SPIRE2: variants seen among roughly 807,000 people sequenced by gnomAD.
SPIRE2 encodes protein spire homolog 2.
SPIRE2 carries 76 observed loss-of-function variants against 80.7 expected under a neutral mutation model. The observed-to-expected ratio is 0.94, with a 90% CI of 0.78 to 1.14. SPIRE2 has a LOEUF of 1.14. Among genes scored for constraint, SPIRE2 ranks in the 50% most tolerant of loss-of-function variants. The pLI, the probability that SPIRE2 is intolerant of heterozygous loss-of-function variation, is 0.00. For missense variants in SPIRE2, 1,196 were observed against 1,015.3 expected, an observed-to-expected ratio of 1.18 and a Z score of -2.42; for synonymous variants, 535 against 432.6, an observed-to-expected ratio of 1.24 and a Z score of -2.94.
rs987051966 is a variant in SPIRE2 at position 89,863,393 on chromosome 16, G to C, written c.1576-83G>C. 3.2e-5 allele frequency: 48 copies of C among 1,514,866 alleles called. No homozygotes were observed. In the African/African-American group the frequency reaches 6.2e-4, roughly 20 times the overall value. The allele number at this position is 1,514,866 out of a possible 1,614,324, so 93.8% of individuals were successfully genotyped here. A position where few individuals can be genotyped will look rare whatever the true frequency, so the allele number is the denominator to read the frequency against. On this transcript the variant is annotated intron_variant, in intron 10 of 14. Transcript: ENST00000378247. This position sits in a 1 kb window ranked among gnomAD's most constrained non-coding sequence, Gnocchi z 4.3. Reference sequence around the variant, plus strand: ...GCAGGCTTGTTTAGGCTGAGGCCAGGGAGGGTTAGGGTCCTCAGGGAAGGA... The same window carrying C: ...GCAGGCTTGTTTAGGCTGAGGCCAGCGAGGGTTAGGGTCCTCAGGGAAGGA...
chr16:89,866,716 C>T (rs1328838053), intron 12 of SPIRE2, among the ~76,000 whole-genome samples: 1 of 151,772 alleles, frequency 6.6e-6, no homozygotes, highest in African/African-American at 2.4e-5. Context: ...TCACGCCATT[C>T]TCCTGCCTCA....
chr16:89,852,635 G>A (rs1269822024), intron 3 of SPIRE2, among the ~76,000 whole-genome samples: 1 of 21,982 alleles, frequency 4.5e-5, no homozygotes, highest in Non-Finnish European at 8.8e-5. Context: ...CCCGTCTTCC[G>A]TCCTCCCTCT....
At chr16:89,843,126 G>A (rs2041519521) in intron 1 of SPIRE2, among the ~76,000 whole-genome samples, 2 of 152,190 alleles carry the variant, frequency 1.3e-5, no homozygotes, top group African/African-American at 4.8e-5. Context: ...AGAATCGGGT[G>A]GATGTTTTGC....
chr16:89,869,957 C>A, intron 14 of SPIRE2, 93 bp from the exon 15 acceptor site: 2 of 1,139,112 alleles, frequency 1.8e-6, no homozygotes, highest in Non-Finnish European at 2.5e-6. Flanking sequence ...GGGTGAAAGG[C>A]AGCCAGGAGG....
chr16:89,861,476 G>A (rs2041744157), intron 10 of SPIRE2, among the ~76,000 whole-genome samples: 2 of 152,196 alleles, frequency 1.3e-5, no homozygotes, highest in African/African-American at 4.8e-5. Context: ...CCGAAACGCA[G>A]GGCCTGCCCT....
chr16:89,866,090 A>G (rs1440494801), intron 12 of SPIRE2, among the ~76,000 whole-genome samples: 1 of 151,740 alleles, frequency 6.6e-6, no homozygotes. Context: ...TCAAGGCTGC[A>G]GTGAGCTATG....
chr16:89,860,357 C>T (rs2041731626), intron 9 of SPIRE2, among the ~76,000 whole-genome samples: 1 of 152,170 alleles, frequency 6.6e-6, no homozygotes, highest in South Asian at 2.1e-4. Flanking sequence ...CTCCTGGGCT[C>T]AAGCAATCCT....
chr16:89,855,794 T>C (rs1356208228), intron 6 of SPIRE2, 108 bp downstream of exon 6: 4 of 1,141,824 alleles, frequency 3.5e-6, no homozygotes, highest in African/African-American at 1.5e-5. Flanking sequence ...GCCTGGGAGG[T>C]GTCCCAGTGC....
intron 8 of SPIRE2, among the ~76,000 whole-genome samples, 190 bp downstream of exon 8, chr16:89,858,697 G>A (rs1426514899): frequency 2.0e-5 from 3 of 152,348 alleles, no homozygotes; most frequent in South Asian, 2.1e-4. Context: ...CATCTTGGCC[G>A]CTCAGAAGGG....
intron 1 of SPIRE2, among the ~76,000 whole-genome samples, chr16:89,842,796 G>A (rs1232925070): frequency 1.3e-5 from 2 of 152,208 alleles, no homozygotes; most frequent in Non-Finnish European, 2.9e-5. Flanking sequence ...AACGCCCAGC[G>A]CGGGCCAGGA....
chr16:89,855,950 G>A (rs2041686471), intron 6 of SPIRE2, 163 bp from the exon 7 acceptor site: 1 of 1,302,844 alleles, frequency 7.7e-7, no homozygotes, highest in Non-Finnish European at 1.0e-6. Context: ...GAGCCCCCTG[G>A]GAGCAGCACT....
chr16:89,838,688 A>G (rs994170871), intron 1 of SPIRE2, among the ~76,000 whole-genome samples: 2 of 152,064 alleles, frequency 1.3e-5, no homozygotes, highest in Admixed American at 1.3e-4. Context: ...ATTTCTTGAC[A>G]CTCGCACATC....
intron 6 of SPIRE2, 200 bp from the exon 7 acceptor site, chr16:89,855,913 C>T (rs1241332403): frequency 2.4e-5 from 26 of 1,062,076 alleles, no homozygotes; most frequent in Middle Eastern, 3.1e-4. Flanking sequence ...GCCATGCCCA[C>T]CCCACCCCAG....
At position 89,868,072 on chromosome 16, in the gene SPIRE2, C is replaced by T; in HGVS notation, c.1779-117C>T. The T allele has an allele frequency of 2.7e-6, 3 of 1,115,268 alleles. No homozygotes were observed. The East Asian group carries it at 7.1e-5, about 26-fold the overall frequency. 69.1% of individuals were successfully genotyped at this position (1,115,268 alleles called of 1,614,324 possible). A position where few individuals can be genotyped will look rare whatever the true frequency, so the allele number is the denominator to read the frequency against. The stretch of plus-strand genomic sequence containing the variant: ...ATAAAGTACTGAAGTAACCAAGCAT[C>T]AGGCAGAAGGCAAGGATGGTTTGAC... On this transcript the variant is annotated intron_variant, in intron 12 of 14. Transcript: ENST00000378247.
In SPIRE2 at chr16:89,849,776, G is replaced by A. The variant is rs558728954; in HGVS notation, c.289-528G>A. The stretch of plus-strand genomic sequence containing the variant: ...CAGGGTCCCTGTCAAGTAAAATCGA[G>A]AAATGCTGAGTTAAGAGGTCGCTAC... On this transcript the variant is annotated intron_variant, in intron 2 of 14. Coordinates refer to ENST00000378247, the MANE Select transcript of SPIRE2 (RefSeq NM_032451.2). The A allele has an allele frequency of 1.2e-5, 3 of 247,146 alleles. No individual in the cohort carries two copies. The South Asian group carries it at 1.3e-4, about 10-fold the overall frequency. 15.3% of individuals were successfully genotyped at this position (247,146 alleles called of 1,614,324 possible).
chr16:89,853,402 C>T (rs2041655856), intron 3 of SPIRE2, among the ~76,000 whole-genome samples: 1 of 152,204 alleles, frequency 6.6e-6, no homozygotes, highest in South Asian at 2.1e-4. Context: ...AGAAGGGTCT[C>T]TCCATGGGGT....
At chr16:89,838,166 T>C (rs1050562963) in intron 1 of SPIRE2, among the ~76,000 whole-genome samples, 156 of 25,622 alleles carry the variant, frequency 6.1e-3, no homozygotes, top group South Asian at 0.016. Flanking sequence ...CGCTCAGCAT[T>C]TTTTTTTTTT....
rs940537359 is a variant in SPIRE2, at chr16:89,864,872, T to C, written c.1778+1011T>C. Among the ~76,000 whole-genome samples, 5 of 152,146 alleles carry C rather than the reference T, an allele frequency of 3.3e-5. No homozygotes were observed. The East Asian group carries it at 9.6e-4, about 29-fold the overall frequency. On this transcript the variant is annotated intron_variant, in intron 12 of 14. Coordinates refer to ENST00000378247, the MANE Select transcript of SPIRE2 (RefSeq NM_032451.2). ...CCAGTACTCAGCAAGATAAAATGTG[T>C]GGCATGCAAAAAACAAGACAAAATT...
intron 13 of SPIRE2, among the ~76,000 whole-genome samples, chr16:89,869,053 A>AAAAAATATAT: frequency 2.5e-4 from 6 of 24,030 alleles, no homozygotes; most frequent in African/African-American, 6.6e-4. Context: ...AAAAAAAAAA[A>AAAAAATATAT]ATATATATAT....
Sources: gnomAD v4.1 joint callset for allele counts (sites outside exome capture counted in the v4.1 genomes callset) on GRCh38, gnomAD v4.1.1 for gene constraint, Gnocchi (gnomAD v3.1) non-coding constraint, MANE v1.5 for transcripts, NCBI Gene and HGNC (gene_info 2026-07-23, HGNC 2026-07-21) for gene names.